The following PLEKHH2 variants were observed in gnomAD, a reference collection of about 807,000 sequenced individuals.
PLEKHH2 encodes pleckstrin homology domain-containing family H member 2.
A neutral mutation model predicts 187.9 loss-of-function variants in PLEKHH2; 129 were observed. The observed-to-expected ratio is 0.69, with a 90% CI of 0.59 to 0.79. The LOEUF is 0.79. Ranked by LOEUF, PLEKHH2 falls within the 30% of genes least tolerant of loss-of-function variation. The pLI is 0.00. For missense variants in PLEKHH2, 2,076 were observed against 1,751.2 expected (o/e 1.19, Z -3.31); for synonymous variants, 686 against 605.6 (o/e 1.13, Z -1.95).
chr2:43,710,638 C>G, intron 14 of PLEKHH2, 63 bp downstream of exon 14: 2 of 1,412,500 alleles, frequency 1.4e-6, no homozygotes, highest in South Asian at 2.7e-5. Context: ...TCTCAATTAT[C>G]CAACCTAATG....
chr2:43,756,710 G>A (rs1222382993), intron 25 of PLEKHH2, among the ~76,000 whole-genome samples: 3 of 152,160 alleles, frequency 2.0e-5, no homozygotes, highest in Non-Finnish European at 4.4e-5. Context: ...CACTTTGGTA[G>A]GCCAAGGTAG....
At chr2:43,735,952 T>A (rs562930879) in intron 19 of PLEKHH2, among the ~76,000 whole-genome samples, 5 of 152,180 alleles carry the variant, frequency 3.3e-5, no homozygotes, top group Non-Finnish European at 5.9e-5. Context: ...GCATCATGCT[T>A]TATGGAGAAA....
intron 25 of PLEKHH2, among the ~76,000 whole-genome samples, chr2:43,754,182 AC>A (rs1672114504): frequency 8.0e-6 from 1 of 125,722 alleles, no homozygotes; most frequent in African/African-American, 3.7e-5. Context: ...ACACACACAC[AC>A]ACACACACAC....
chr2:43,758,405 A>G (rs1672298662), intron 26 of PLEKHH2, among the ~76,000 whole-genome samples: 1 of 152,066 alleles, frequency 6.6e-6, no homozygotes, highest in Admixed American at 6.6e-5. Flanking sequence ...GGCACCCGCC[A>G]TCATGCCTGG....
intron 9 of PLEKHH2, among the ~76,000 whole-genome samples, chr2:43,705,712 C>T (rs891956489): frequency 2.0e-5 from 3 of 152,070 alleles, no homozygotes; most frequent in African/African-American, 7.2e-5. Flanking sequence ...ACCTCCCCTT[C>T]CCAGGTTCAA....
chr2:43,691,234 G>A (rs927028276), intron 3 of PLEKHH2, among the ~76,000 whole-genome samples: 2 of 152,176 alleles, frequency 1.3e-5, no homozygotes, highest in African/African-American at 4.8e-5. Context: ...GACACTCAAA[G>A]AATGAGCAAG....
chr2:43,702,027 C>T (rs574969666), intron 8 of PLEKHH2, among the ~76,000 whole-genome samples: 67 of 152,264 alleles, frequency 4.4e-4, no homozygotes, highest in Non-Finnish European at 6.6e-4. Flanking sequence ...CCTCAGCCTC[C>T]CAAAGTGCTG....
At chr2:43,650,144 CTTTTTTTT>C (rs70965311) in intron 2 of PLEKHH2, among the ~76,000 whole-genome samples, 17 of 95,676 alleles carry the variant, frequency 1.8e-4, no homozygotes, top group South Asian at 7.2e-4. Flanking sequence ...TTTTTCTTTC[CTTTTTTTT>C]TTTTTTTTTT....
chr2:43,666,338 A>C (rs1022722448), intron 2 of PLEKHH2, among the ~76,000 whole-genome samples: 10 of 151,232 alleles, frequency 6.6e-5, no homozygotes, highest in Non-Finnish European at 1.3e-4. Flanking sequence ...CGGCTCGCGC[A>C]CGGTGCGCAC....
chr2:43,759,108 C>A (rs893945175), intron 27 of PLEKHH2, 79 bp downstream of exon 27: 3 of 1,452,462 alleles, frequency 2.1e-6, no homozygotes, highest in Non-Finnish European at 2.7e-6. Context: ...GACTTAGTAT[C>A]CTTGGCTTTT....
intron 2 of PLEKHH2, among the ~76,000 whole-genome samples, chr2:43,652,330 A>G (rs1256257524): frequency 6.6e-6 from 1 of 152,162 alleles, no homozygotes; most frequent in Admixed American, 6.5e-5. Context: ...AGGTCTTTAC[A>G]GGGCTCTGCA....
intron 3 of PLEKHH2, among the ~76,000 whole-genome samples, chr2:43,689,790 G>A (rs1159703680): frequency 1.3e-5 from 2 of 152,150 alleles, no homozygotes; most frequent in East Asian, 1.9e-4. Context: ...GGATGCATCC[G>A]AGGAGCTCTG....
Position 43,700,432 on chromosome 2 carries a change from G to C in PLEKHH2, c.1474G>C (p.Val492Leu), listed in dbSNP as rs769561254. 2 of 1,613,992 alleles carry C rather than the reference G, an allele frequency of 1.2e-6. No homozygotes were observed. The highest frequency in any genetic ancestry group is 1.1e-5 in the South Asian group (1 of 91,088). The change falls in exon 8 of 30, where the codon GTT becomes CTT. Residue 492 changes from valine to leucine, a missense_variant. By Grantham distance (32) the Val-to-Leu change is conservative. Coordinates refer to ENST00000282406, the MANE Select transcript of PLEKHH2 (RefSeq NM_172069.4). ...ACCTCAGGAAACTGATCTTGATCTA[G>C]TTGATGGAGACAGTACAGAAGTTTT... ...LRPQETDLDL[V>L]DGDSTEVLEN...
At chr2:43,710,182 G>T (rs761235406) in intron 12 of PLEKHH2, 38 bp from the exon 13 acceptor site, 1 of 1,610,748 alleles carries the variant, frequency 6.2e-7, no homozygotes, top group South Asian at 1.1e-5. Context: ...CCTCCAAAAG[G>T]AAACTGAAAA....
Position 43,697,157 on chromosome 2 carries a change from T to C in PLEKHH2, c.503-14T>C. ...AAAAAATTCAAATCTTAATTTTGAT[T>C]AACGATGTTGTAGAAGTTCAAGGAA... On this transcript the variant is annotated splice_polypyrimidine_tract_variant and intron_variant, in intron 6 of 29. Transcript: ENST00000282406. 6.5e-7 allele frequency: 1 copy of C among 1,540,244 alleles called. No individual in the cohort carries two copies. The highest frequency in any genetic ancestry group is 8.7e-7 in the Non-Finnish European group (1 of 1,143,080).
At chr2:43,719,596 C>T (rs11685939) in intron 15 of PLEKHH2, among the ~76,000 whole-genome samples, 2 of 152,166 alleles carry the variant, frequency 1.3e-5, no homozygotes, top group South Asian at 4.1e-4. Context: ...TCCACCACCA[C>T]GCCTGGCTAA....
At position 43,764,461 on chromosome 2, in the gene PLEKHH2, A is replaced by G. The variant is rs1028947722; in HGVS notation, c.4296+96A>G. 56 of 1,324,026 alleles carry G rather than the reference A, an allele frequency of 4.2e-5. 2 individuals carry two copies. The South Asian group carries it at 7.3e-4, about 17-fold the overall frequency. 82.0% of individuals were successfully genotyped at this position (1,324,026 alleles called of 1,614,324 possible). A position where few individuals can be genotyped will look rare whatever the true frequency, so the allele number is the denominator to read the frequency against. ...AAGCAATGCTAATTGTTTTCATATT[A>G]AAACATTTATTCAGCAAAGACTGCA... is the stretch of plus-strand genomic sequence containing the variant. On this transcript the variant is annotated intron_variant, in intron 29 of 29. Coordinates refer to ENST00000282406, the MANE Select transcript of PLEKHH2 (RefSeq NM_172069.4).
chr2:43,681,053 A>G (rs538271645), intron 3 of PLEKHH2: 18 of 1,290,674 alleles, frequency 1.4e-5, no homozygotes, highest in East Asian at 2.4e-5. Flanking sequence ...TTCCTGTACC[A>G]TTATGATTCC....
intron 3 of PLEKHH2, 147 bp downstream of exon 3, chr2:43,679,072 A>G: frequency 1.2e-5 from 6 of 487,028 alleles, no homozygotes; most frequent in Non-Finnish European, 2.2e-5. Context: ...AAAATGGAGA[A>G]TCTAACTCTA....
Sources: allele counts gnomAD v4.1 joint callset (sites outside exome capture counted in the v4.1 genomes callset), GRCh38; gene constraint gnomAD v4.1.1; transcripts MANE v1.5; gene names NCBI Gene and HGNC (gene_info 2026-07-23, HGNC 2026-07-21).